Variants in PCDH7 observed in about 807,000 individuals in gnomAD.
PCDH7 encodes protocadherin-7.
PCDH7 carries 17 observed loss-of-function variants against 58.9 expected under a neutral mutation model. The observed-to-expected ratio is 0.29, with a 90% CI of 0.20 to 0.43. The LOEUF (loss-of-function observed/expected upper bound fraction) is 0.43, where lower values mean the gene tolerates loss of function less well. Among genes scored for constraint, PCDH7 ranks in the 20% least tolerant of loss-of-function variants. The pLI is 1.00. For missense variants in PCDH7, 1,274 were observed against 1,441.0 expected (o/e 0.88, Z 1.88); for synonymous variants, 664 against 616.4 (o/e 1.08, Z -1.14).
chr4:30,991,681 A>G (rs1200797692), intron 3 of PCDH7, among the ~76,000 whole-genome samples: 2 of 152,176 alleles, frequency 1.3e-5, no homozygotes, highest in African/African-American at 4.8e-5. Flanking sequence ...AAAACTGGTC[A>G]TCGTTCTTTT....
rs1425001611 is a variant in PCDH7 at position 30,722,134 on chromosome 4, G to A, written c.712G>A (p.Gly238Ser). 2.1e-6 allele frequency: 3 copies of A among 1,442,934 alleles called. No homozygotes were observed. The highest frequency in any genetic ancestry group is 3.0e-5 in the African/African-American group (2 of 67,462). 89.4% of individuals were successfully genotyped at this position (1,442,934 alleles called of 1,614,324 possible). A position where few individuals can be genotyped will look rare whatever the true frequency, so the allele number is the denominator to read the frequency against. ...AGAGGGCGGCGGCGGCACCAACCCCGGCGGCCGCAGCAGCGTGTTCGAGCT... is the reference window on the plus strand; with the variant it reads ...AGAGGGCGGCGGCGGCACCAACCCCAGCGGCCGCAGCAGCGTGTTCGAGCT... The change falls in exon 1 of 2, where the codon GGC (glycine) becomes AGC (serine). Residue 238 changes from glycine to serine, a missense_variant. Physicochemically the swap from Gly to Ser is moderately conservative, Grantham distance 56. Transcript: ENST00000361762. The surrounding 1 kb of genome is among the most constrained non-coding windows in gnomAD (Gnocchi z 7.6).
chr4:30,815,092 T>C (rs1009546318), intron 1 of PCDH7, among the ~76,000 whole-genome samples: 3 of 152,076 alleles, frequency 2.0e-5, no homozygotes, highest in Non-Finnish European at 2.9e-5. Flanking sequence ...TATAAATATA[T>C]AGGTCTTTTT....
chr4:31,130,868 C>A (rs980583158), intron 3 of PCDH7, among the ~76,000 whole-genome samples: 1 of 152,132 alleles, frequency 6.6e-6, no homozygotes, highest in Non-Finnish European at 1.5e-5. Context: ...TGAGTCAGGT[C>A]ATCCAGTATA....
intron 3 of PCDH7, among the ~76,000 whole-genome samples, chr4:31,090,563 C>T: frequency 6.6e-6 from 1 of 152,062 alleles, no homozygotes; most frequent in East Asian, 1.9e-4. Context: ...ACCTTGTAAA[C>T]TGTCTTTAAT....
Position 30,723,553 on chromosome 4 carries a change from A to G in PCDH7, c.2131A>G (p.Arg711Gly), listed in dbSNP as rs2109227725. 3 of 1,614,166 alleles carry G rather than the reference A, an allele frequency of 1.9e-6. No individual in the cohort carries two copies. The highest frequency in any genetic ancestry group is 2.5e-6 in the Non-Finnish European group (3 of 1,180,018). The change falls in exon 1 of 2, where the codon AGA (arginine) becomes GGA (glycine). Residue 711 changes from arginine (R) to glycine (G), a missense_variant. Physicochemically the swap from Arg to Gly is moderately radical, Grantham distance 125. This residue lies in a region of PCDH7 where 731 missense variants were observed against 881.9 expected (regional missense o/e 0.83). Coordinates refer to ENST00000361762, the Ensembl canonical transcript of PCDH7. This position sits in a 1 kb window ranked among gnomAD's most constrained non-coding sequence, Gnocchi z 4.6. ...GGAACATCAGACCACATACACTTTC[A>G]GAGTCAAGGCTGTGGATGGGGGAGA...
chr4:31,080,243 C>T (rs1050230715), intron 3 of PCDH7, among the ~76,000 whole-genome samples: 2 of 151,522 alleles, frequency 1.3e-5, no homozygotes, highest in African/African-American at 4.9e-5. Flanking sequence ...TTCTTTCCCC[C>T]TACAAATCTG....
chr4:30,944,717 A>G (rs1171994857), intron 2 of PCDH7, among the ~76,000 whole-genome samples: 4 of 152,210 alleles, frequency 2.6e-5, no homozygotes, highest in Admixed American at 6.5e-5. Context: ...TTGCACATAT[A>G]TTAGTTAGAA....
chr4:30,952,711 T>G (rs1747480684), intron 3 of PCDH7, among the ~76,000 whole-genome samples: 1 of 152,140 alleles, frequency 6.6e-6, no homozygotes, highest in African/African-American at 2.4e-5. Flanking sequence ...AGAAAAAGGG[T>G]AATTTAAGAT....
intron 1 of PCDH7, among the ~76,000 whole-genome samples, chr4:30,748,633 A>G (rs951540817): frequency 5.9e-5 from 9 of 152,288 alleles, no homozygotes; most frequent in Non-Finnish European, 8.8e-5. Context: ...ACCTAATACT[A>G]TTACAATGGC....
chr4:30,958,002 C>T (rs980154860), intron 3 of PCDH7, among the ~76,000 whole-genome samples: 1 of 152,056 alleles, frequency 6.6e-6, no homozygotes, highest in East Asian at 1.9e-4. Flanking sequence ...TGTCATTATG[C>T]TTTAGAGACC....
At chr4:30,959,010 T>C (rs1748131970) in intron 3 of PCDH7, among the ~76,000 whole-genome samples, 1 of 152,104 alleles carries the variant, frequency 6.6e-6, no homozygotes, top group African/African-American at 2.4e-5. Context: ...AAGCACCAGA[T>C]TAGCAAAATT....
chr4:30,903,345 A>T (rs762029224), intron 1 of PCDH7, among the ~76,000 whole-genome samples: 2 of 152,008 alleles, frequency 1.3e-5, no homozygotes, highest in Non-Finnish European at 2.9e-5. Flanking sequence ...GGATTCAATA[A>T]CTCTCTCCAG....
chr4:30,970,202 C>T (rs147314058), intron 3 of PCDH7, among the ~76,000 whole-genome samples: 237 of 152,152 alleles, frequency 1.6e-3, no homozygotes, highest in African/African-American at 5.3e-3. Flanking sequence ...TTGTAAGTTA[C>T]ACAACAAAGT....
At chr4:30,865,896 G>T (rs1234291021) in intron 1 of PCDH7, among the ~76,000 whole-genome samples, 1 of 152,054 alleles carries the variant, frequency 6.6e-6, no homozygotes, top group Non-Finnish European at 1.5e-5. Context: ...CTGGAAGGAA[G>T]ATGCCTGAGA....
At chr4:30,991,100 A>G (rs147206757) in intron 3 of PCDH7, among the ~76,000 whole-genome samples, 22 of 152,134 alleles carry the variant, frequency 1.4e-4, no homozygotes, top group African/African-American at 5.3e-4. Context: ...TTCCATCTAG[A>G]TGTTATGTTT....
At chr4:30,879,200 T>G (rs1736652189) in intron 1 of PCDH7, among the ~76,000 whole-genome samples, 1 of 152,124 alleles carries the variant, frequency 6.6e-6, no homozygotes, top group South Asian at 2.1e-4. Context: ...TCCTGCTTCC[T>G]CCATCTTCCC....
intron 1 of PCDH7, among the ~76,000 whole-genome samples, chr4:30,915,010 T>A (rs1425787647): frequency 1.3e-5 from 2 of 152,194 alleles, no homozygotes; most frequent in East Asian, 3.8e-4. Context: ...TTTATAATTA[T>A]TCTGATTTTA....
At chr4:30,842,173 G>C (rs1731299736) in intron 1 of PCDH7, among the ~76,000 whole-genome samples, 1 of 152,014 alleles carries the variant, frequency 6.6e-6, no homozygotes, top group Non-Finnish European at 1.5e-5. Context: ...GATAGGCAGA[G>C]GTATAAATTT....
chr4:30,729,585 T>C (rs568887540), intron 1 of PCDH7, among the ~76,000 whole-genome samples: 2 of 152,156 alleles, frequency 1.3e-5, no homozygotes, highest in African/African-American at 2.4e-5. Context: ...TAGCAATTAG[T>C]ATATTTCAAT....
Sources: allele counts gnomAD v4.1 joint callset (sites outside exome capture counted in the v4.1 genomes callset), GRCh38; gene constraint gnomAD v4.1.1; regional missense constraint gnomAD v4.1.1; non-coding constraint Gnocchi (gnomAD v3.1); transcripts MANE v1.5; gene names NCBI Gene and HGNC (gene_info 2026-07-23, HGNC 2026-07-21).